Variants in RPS6KA6 observed in about 807,000 individuals in gnomAD.
The protein encoded by RPS6KA6 is ribosomal protein S6 kinase A6.
In RPS6KA6, 27 loss-of-function variants were observed where a neutral mutation model predicts 65.4. The ratio of observed to expected loss-of-function variants is 0.41; its 90% CI spans 0.30 to 0.57. The LOEUF (loss-of-function observed/expected upper bound fraction) is 0.57, where lower values mean the gene tolerates loss of function less well. Among genes scored for constraint, RPS6KA6 ranks in the 20% least tolerant of loss-of-function variants. The probability of loss-of-function intolerance (pLI) is 0.24; values close to 1 mark genes in which losing one functional copy is unlikely to be tolerated. For synonymous variants in RPS6KA6, 190 were observed against 184.2 expected, an observed-to-expected ratio of 1.03 and a Z score of -0.26; for missense variants, 486 against 555.6, an observed-to-expected ratio of 0.87 and a Z score of 1.26.
chrX:84,103,130 C>T (rs1041243519), intron 17 of RPS6KA6, among the ~76,000 whole-genome samples: 8 of 110,715 alleles, frequency 7.2e-5, no homozygotes, highest in African/African-American at 2.6e-4. Context: ...TATTATAATG[C>T]TTAGGATACA....
chrX:84,140,601 C>T (rs1361886522), intron 6 of RPS6KA6, among the ~76,000 whole-genome samples: 1 of 107,026 alleles, frequency 9.3e-6, no homozygotes, highest in Non-Finnish European at 1.9e-5. Flanking sequence ...GCCGGGCTAA[C>T]TGTGCACCTG....
chrX:84,102,673 G>C (rs890699809), intron 17 of RPS6KA6, among the ~76,000 whole-genome samples: 1 of 111,098 alleles, frequency 9.0e-6, no homozygotes, highest in East Asian at 2.8e-4. Flanking sequence ...ACTGGAGAAT[G>C]AACAGAAGCA....
chrX:84,123,651 AGT>A (rs1329203529), intron 8 of RPS6KA6, among the ~76,000 whole-genome samples: 2 of 112,194 alleles, frequency 1.8e-5, no homozygotes, highest in Non-Finnish European at 3.8e-5. Context: ...TTATGGTCTG[AGT>A]GCCAGCTTAG....
intron 20 of RPS6KA6, among the ~76,000 whole-genome samples, chrX:84,067,933 C>T (rs5922907): frequency 9.2e-4 from 103 of 111,973 alleles, no homozygotes; most frequent in Non-Finnish European, 1.6e-3. Flanking sequence ...TGCAGAAACC[C>T]TACAAGCCTG....
At chrX:84,110,239 T>G (rs1205794425) in intron 12 of RPS6KA6, among the ~76,000 whole-genome samples, 2 of 111,939 alleles carry the variant, frequency 1.8e-5, no homozygotes, top group Non-Finnish European at 3.8e-5. Context: ...TATTGCTACC[T>G]GTCTAGGATG....
chrX:84,104,280 G>C (rs1047298185), intron 17 of RPS6KA6, among the ~76,000 whole-genome samples: 1 of 111,048 alleles, frequency 9.0e-6, no homozygotes, highest in Non-Finnish European at 1.9e-5. Context: ...AATTCAAACC[G>C]CTTTTTAAAT....
chrX:84,110,650 C>T (rs2034452013), intron 12 of RPS6KA6, among the ~76,000 whole-genome samples: 1 of 111,566 alleles, frequency 9.0e-6, no homozygotes, highest in African/African-American at 3.3e-5. Context: ...GGCTACTTCC[C>T]AACCTACTCT....
At chrX:84,102,754 A>G (rs767625483) in intron 17 of RPS6KA6, among the ~76,000 whole-genome samples, 5 of 110,934 alleles carry the variant, frequency 4.5e-5, no homozygotes, top group Admixed American at 9.7e-5. Context: ...GGAGGTTTCC[A>G]TATCTGTGGC....
intron 20 of RPS6KA6, among the ~76,000 whole-genome samples, chrX:84,092,990 C>T (rs1248346595): frequency 8.9e-6 from 1 of 112,153 alleles, no homozygotes; most frequent in Non-Finnish European, 1.9e-5. Context: ...CACAATGAAA[C>T]ACCATTCAGC....
At chrX:84,114,134 C>T (rs1207795281) in intron 12 of RPS6KA6, among the ~76,000 whole-genome samples, 5 of 111,030 alleles carry the variant, frequency 4.5e-5, no homozygotes, top group Non-Finnish European at 9.4e-5. Flanking sequence ...GAAACTAGAT[C>T]AAATGGACAA....
intron 8 of RPS6KA6, among the ~76,000 whole-genome samples, chrX:84,131,445 ACT>A (rs1339529082): frequency 8.9e-6 from 1 of 111,875 alleles, no homozygotes; most frequent in Non-Finnish European, 1.9e-5. Flanking sequence ...AAACTTGTAA[ACT>A]CTGCACATTC....
intron 5 of RPS6KA6, among the ~76,000 whole-genome samples, chrX:84,146,069 T>C (rs1413877074): frequency 4.5e-5 from 5 of 111,586 alleles, no homozygotes; most frequent in African/African-American, 1.6e-4. Flanking sequence ...ATCTCTGTGT[T>C]CTCTATAGGT....
At chrX:84,185,629 C>T (rs2035917979) in intron 1 of RPS6KA6, among the ~76,000 whole-genome samples, 1 of 111,706 alleles carries the variant, frequency 9.0e-6, no homozygotes, top group Non-Finnish European at 1.9e-5. Flanking sequence ...TTTAATCTTA[C>T]CAGATTCAAC....
At chrX:84,170,214 C>CATT (rs1485027880) in intron 1 of RPS6KA6, among the ~76,000 whole-genome samples, 3 of 103,650 alleles carry the variant, frequency 2.9e-5, no homozygotes, top group Non-Finnish European at 5.9e-5. Context: ...ATAAGCTTTA[C>CATT]ATTTACATAT....
rs535715683 is a variant in RPS6KA6 at position 84,096,838 on chromosome X, C to T, written c.1854-527G>A. 7.5e-3 allele frequency among the ~76,000 whole-genome samples: 838 copies of T among 111,262 alleles called. 7 individuals are homozygous for T. The highest frequency in any genetic ancestry group is 0.057 in the Middle Eastern group (12 of 210). On this transcript the variant is annotated intron_variant, in intron 19 of 21. Transcript: ENST00000262752. ...TCGACACAAAACTCCATAGCCATTA[C>T]ATTTATTATGTAGATCAATCATGTA...
intron 1 of RPS6KA6, among the ~76,000 whole-genome samples, chrX:84,178,822 C>G (rs1448580505): frequency 1.8e-5 from 2 of 110,488 alleles, no homozygotes; most frequent in Non-Finnish European, 3.8e-5. Context: ...AACTAAAAAA[C>G]TTCTAGAAGA....
At chrX:84,111,990 A>G (rs1289418057) in intron 12 of RPS6KA6, among the ~76,000 whole-genome samples, 2 of 111,925 alleles carry the variant, frequency 1.8e-5, no homozygotes, top group African/African-American at 6.5e-5. Flanking sequence ...GTGGAAAAAG[A>G]TATAGCATGC....
At chrX:84,087,007 T>C (rs1379547805) in intron 20 of RPS6KA6, among the ~76,000 whole-genome samples, 1 of 111,533 alleles carries the variant, frequency 9.0e-6, no homozygotes, top group African/African-American at 3.3e-5. Context: ...ATTTGCTTGG[T>C]AAATTTTCCT....
intron 20 of RPS6KA6, among the ~76,000 whole-genome samples, chrX:84,089,811 A>G (rs1002003556): frequency 1.8e-5 from 2 of 111,868 alleles, no homozygotes; most frequent in Non-Finnish European, 3.8e-5. Flanking sequence ...ACGAAACTGT[A>G]TATTTCAGTT....
Sources: gnomAD v4.1 joint callset for allele counts (sites outside exome capture counted in the v4.1 genomes callset) on GRCh38, gnomAD v4.1.1 for gene constraint, MANE v1.5 for transcripts, NCBI Gene and HGNC (gene_info 2026-07-23, HGNC 2026-07-21) for gene names.